The following HS3ST4 variants were observed in gnomAD, a reference collection of about 807,000 sequenced individuals.
HS3ST4 encodes heparan sulfate glucosamine 3-O-sulfotransferase 4.
In HS3ST4, 17 loss-of-function variants were observed where a neutral mutation model predicts 29.2. The observed-to-expected ratio is 0.58, with a 90% CI of 0.40 to 0.87. HS3ST4 has a LOEUF of 0.87. Among genes scored for constraint, HS3ST4 ranks in the 40% least tolerant of loss-of-function variants. The pLI is 0.00. For synonymous variants in HS3ST4, 314 were observed against 285.7 expected (o/e 1.10, Z -1.00); for missense variants, 627 against 634.5 (o/e 0.99, Z 0.13).
chr16:26,046,318 T>A (rs1450861651), intron 1 of HS3ST4, among the ~76,000 whole-genome samples: 1 of 151,986 alleles, frequency 6.6e-6, no homozygotes, highest in East Asian at 1.9e-4. Context: ...GCCCAGCTAA[T>A]TTTTGTGTTT....
chr16:25,999,791 T>G (rs1408746962), intron 1 of HS3ST4, among the ~76,000 whole-genome samples: 1 of 136,656 alleles, frequency 7.3e-6, no homozygotes, highest in African/African-American at 2.7e-5. Flanking sequence ...TTATATATAT[T>G]TTATATATAT....
intron 1 of HS3ST4, among the ~76,000 whole-genome samples, chr16:25,697,573 T>C (rs1266455575): frequency 6.6e-6 from 1 of 152,256 alleles, no homozygotes; most frequent in Non-Finnish European, 1.5e-5. Flanking sequence ...GACTCACATA[T>C]TTCTACTGGG....
intron 1 of HS3ST4, among the ~76,000 whole-genome samples, chr16:25,756,680 C>T (rs1290131388): frequency 1.3e-5 from 2 of 152,118 alleles, no homozygotes; most frequent in African/African-American, 4.8e-5. Flanking sequence ...GGTGAAACTG[C>T]TTTGTTGATA....
chr16:25,917,897 C>T (rs1331935331), intron 1 of HS3ST4, among the ~76,000 whole-genome samples: 2 of 152,122 alleles, frequency 1.3e-5, no homozygotes, highest in South Asian at 4.1e-4. Context: ...AAACAAACAG[C>T]TAAGAAACAG....
chr16:26,060,895 A>G (rs535002518), intron 1 of HS3ST4, among the ~76,000 whole-genome samples: 2 of 152,342 alleles, frequency 1.3e-5, no homozygotes, highest in East Asian at 1.9e-4. Context: ...CTGGCTTCTC[A>G]CTAACCAGAA....
intron 1 of HS3ST4, among the ~76,000 whole-genome samples, chr16:25,745,060 A>G (rs1328305820): frequency 1.3e-5 from 2 of 152,196 alleles, no homozygotes; most frequent in African/African-American, 2.4e-5. Context: ...AATTTTCATG[A>G]AAGTCTTGAA....
chr16:26,058,394 A>C (rs1376806345), intron 1 of HS3ST4, among the ~76,000 whole-genome samples: 1 of 152,158 alleles, frequency 6.6e-6, no homozygotes, highest in Non-Finnish European at 1.5e-5. Context: ...TGGTTGACTT[A>C]AATGTGGGCT....
At position 26,013,674 on chromosome 16, in the gene HS3ST4, G is replaced by T. The variant is rs548815479; in HGVS notation, c.735-121938G>T. ...CTCACCTCAGGGCCTTCGCATAAAT[G>T]CTTCCTTCTCAGAGAGATGTTCTCA... On this transcript the variant is annotated intron_variant, in intron 1 of 1. Coordinates refer to ENST00000331351, the MANE Select transcript of HS3ST4 (RefSeq NM_006040.3). Among the ~76,000 whole-genome samples the T allele has an allele frequency of 6.6e-5, 10 of 152,254 alleles. No homozygotes were observed. In the East Asian group the frequency reaches 1.7e-3, roughly 26 times the overall value.
At chr16:25,942,920 C>A (rs2083504322) in intron 1 of HS3ST4, among the ~76,000 whole-genome samples, 1 of 152,182 alleles carries the variant, frequency 6.6e-6, no homozygotes, top group Non-Finnish European at 1.5e-5. Flanking sequence ...CCATGCCCGG[C>A]CTGCCTGTCT....
At chr16:26,039,563 C>T (rs1969616477) in intron 1 of HS3ST4, among the ~76,000 whole-genome samples, 1 of 152,054 alleles carries the variant, frequency 6.6e-6, no homozygotes, top group Non-Finnish European at 1.5e-5. Flanking sequence ...GGTATCCTTT[C>T]CCTCAATCAT....
At chr16:25,744,273 T>A (rs1966672210) in intron 1 of HS3ST4, among the ~76,000 whole-genome samples, 1 of 152,200 alleles carries the variant, frequency 6.6e-6, no homozygotes, top group Admixed American at 6.5e-5. Context: ...AAATTCAGCC[T>A]GATTTCAGCT....
intron 1 of HS3ST4, among the ~76,000 whole-genome samples, chr16:25,715,261 G>T (rs1966445379): frequency 6.8e-6 from 1 of 147,404 alleles, no homozygotes; most frequent in African/African-American, 2.5e-5. Flanking sequence ...AGCGGAGCTT[G>T]CAGTGAGCCG....
intron 1 of HS3ST4, among the ~76,000 whole-genome samples, chr16:25,807,856 G>A (rs911441104): frequency 1.3e-5 from 2 of 151,986 alleles, no homozygotes; most frequent in Non-Finnish European, 2.9e-5. Context: ...GGTGAGTAGT[G>A]GTATCTCATT....
intron 1 of HS3ST4, among the ~76,000 whole-genome samples, chr16:25,800,860 TC>T (rs1966926081): frequency 1.3e-5 from 2 of 152,134 alleles, no homozygotes; most frequent in Non-Finnish European, 2.9e-5. Context: ...AGAAATACTG[TC>T]CTCAAAGCAG....
At chr16:26,070,833 A>G (rs1898594521) in intron 1 of HS3ST4, among the ~76,000 whole-genome samples, 1 of 152,152 alleles carries the variant, frequency 6.6e-6, no homozygotes, top group Non-Finnish European at 1.5e-5. Flanking sequence ...GTAACCTGGG[A>G]CCATTTTTTA....
chr16:25,875,528 A>G (rs1313424836), intron 1 of HS3ST4, among the ~76,000 whole-genome samples: 2 of 152,114 alleles, frequency 1.3e-5, no homozygotes, highest in African/African-American at 4.8e-5. Context: ...GGTCCATCAC[A>G]TTCCCTGTGT....
rs553077214 is a variant in HS3ST4, at chr16:25,774,607, T to C, written c.734+81456T>C. Among the ~76,000 whole-genome samples the C allele has an allele frequency of 2.6e-5, 4 of 152,356 alleles. No individual in the cohort carries two copies. In the South Asian group the frequency reaches 8.3e-4, roughly 32 times the overall value. On this transcript the variant is annotated intron_variant, in intron 1 of 1. Coordinates refer to ENST00000331351, the MANE Select transcript of HS3ST4 (RefSeq NM_006040.3). The stretch of plus-strand genomic sequence containing the variant: ...ACTTATTAATATGTCTATACTTCAC[T>C]TTCCTTCTGCAAAAAGTGAGGATAA...
At chr16:26,031,431 G>C (rs1379565106) in intron 1 of HS3ST4, among the ~76,000 whole-genome samples, 1 of 152,142 alleles carries the variant, frequency 6.6e-6, no homozygotes, top group East Asian at 1.9e-4. Context: ...GTATAACTTA[G>C]CTTGTTCTAG....
At chr16:25,859,336 T>G (rs1361283040) in intron 1 of HS3ST4, among the ~76,000 whole-genome samples, 2 of 152,232 alleles carry the variant, frequency 1.3e-5, no homozygotes, top group Non-Finnish European at 2.9e-5. Flanking sequence ...TTCTCATAGC[T>G]GTACTATGAG....
Sources: allele counts gnomAD v4.1 joint callset (sites outside exome capture counted in the v4.1 genomes callset), GRCh38; gene constraint gnomAD v4.1.1; transcripts MANE v1.5; gene names NCBI Gene and HGNC (gene_info 2026-07-23, HGNC 2026-07-21).